The following UNC13B variants were observed in gnomAD, a reference collection of about 807,000 sequenced individuals.
UNC13B encodes protein unc-13 homolog B.
Under a neutral mutation model 211.0 loss-of-function variants are expected in UNC13B, and 144 were observed. The observed-to-expected ratio is 0.68, with a 90% confidence interval of 0.60 to 0.78. The LOEUF is 0.78. Ranked by LOEUF, UNC13B falls within the 30% of genes least tolerant of loss-of-function variation. The pLI is 0.00. For synonymous variants in UNC13B, 709 were observed against 725.8 expected (o/e 0.98, Z 0.37); for missense variants, 1,777 against 2,002.0 (o/e 0.89, Z 2.14).
chr9:35,302,665 A>G lies in UNC13B; in HGVS notation c.3261A>G (p.Lys1087=), dbSNP rs1829743837. Reference sequence around the variant, plus strand: ...TAGCCATCCCTGGAGTTGTGCCCAAAGAACATATAACTTCAGATCCTTTAG... The same window carrying G: ...TAGCCATCCCTGGAGTTGTGCCCAAGGAACATATAACTTCAGATCCTTTAG... ...DGLAIPGVVP[K]EHITSDPLGE... The change falls in exon 9 of 40, where the codon AAA becomes AAG. Residue 1087 remains lysine (K), a synonymous_variant. Transcript: ENST00000635942. The G allele has an allele frequency of 2.5e-6, 1 of 398,586 alleles. No homozygotes were observed. Among genetic ancestry groups the G allele is most frequent in the Admixed American group, 4.4e-5 (1 of 22,700 alleles). The allele number at this position is 398,586 out of a possible 1,614,324, so 24.7% of individuals were successfully genotyped here.
At chr9:35,281,438 T>G (rs1217373325) in intron 7 of UNC13B, among the ~76,000 whole-genome samples, 1 of 144,910 alleles carries the variant, frequency 6.9e-6, no homozygotes, top group Non-Finnish European at 1.5e-5. Flanking sequence ...GAGAGAGGAA[T>G]GAAAGTCCCT....
chr9:35,298,533 C>T (rs1370969738), intron 8 of UNC13B, among the ~76,000 whole-genome samples: 1 of 152,084 alleles, frequency 6.6e-6, no homozygotes, highest in African/African-American at 2.4e-5. Context: ...TTGCTCAGGC[C>T]GGTCTTGAAT....
Position 35,402,367 on chromosome 9 carries a change from C to T in UNC13B, c.12485-800C>T, listed in dbSNP as rs368543096. On this transcript the variant is annotated intron_variant, in intron 37 of 39. Coordinates refer to ENST00000635942, the MANE Select transcript of UNC13B (RefSeq NM_001371189.2). ...AGCGATCTCTGCCCACTGCAAGCTC[C>T]GCCTCCCAGGTTCACACCATTGTTC... Among the ~76,000 whole-genome samples, 134 of 151,730 alleles carry T rather than the reference C, an allele frequency of 8.8e-4. 1 individual carries two copies. The highest frequency in any genetic ancestry group is 3.1e-3 in the African/African-American group (129 of 41,364).
chr9:35,378,124 T>C (rs1834563515), intron 16 of UNC13B, among the ~76,000 whole-genome samples, 171 bp from the exon 17 acceptor site: 1 of 152,078 alleles, frequency 6.6e-6, no homozygotes, highest in Non-Finnish European at 1.5e-5. Flanking sequence ...GATGGGATGC[T>C]TGGGCTTTAA....
At chr9:35,267,519 A>G (rs1255047422) in intron 7 of UNC13B, among the ~76,000 whole-genome samples, 2 of 152,238 alleles carry the variant, frequency 1.3e-5, no homozygotes, top group Admixed American at 1.3e-4. Flanking sequence ...ATGCTGTGTC[A>G]GTATTCAGAG....
chr9:35,327,160 T>C (rs1831064559), intron 11 of UNC13B, among the ~76,000 whole-genome samples: 1 of 152,230 alleles, frequency 6.6e-6, no homozygotes, highest in African/African-American at 2.4e-5. Flanking sequence ...GGAGCTGTTT[T>C]TTCTAGGGTG....
intron 11 of UNC13B, among the ~76,000 whole-genome samples, chr9:35,325,702 A>G (rs891633550): frequency 1.3e-5 from 2 of 152,168 alleles, no homozygotes; most frequent in African/African-American, 4.8e-5. Context: ...TCATCACCTC[A>G]AAAGGAAATC....
chr9:35,273,257 A>G (rs1827993244), intron 7 of UNC13B, among the ~76,000 whole-genome samples: 1 of 152,218 alleles, frequency 6.6e-6, no homozygotes. Flanking sequence ...GTTGTGACAA[A>G]TTATTTGACC....
intron 1 of UNC13B, among the ~76,000 whole-genome samples, chr9:35,220,736 G>A (rs1218420184): frequency 1.3e-5 from 2 of 152,190 alleles, no homozygotes; most frequent in Non-Finnish European, 2.9e-5. Flanking sequence ...AAATGTGGGA[G>A]TGCAGATTTA....
intron 7 of UNC13B, among the ~76,000 whole-genome samples, chr9:35,266,604 A>T (rs926024609): frequency 6.6e-6 from 1 of 152,234 alleles, no homozygotes; most frequent in African/African-American, 2.4e-5. Context: ...TTATTTGGAT[A>T]TACTCTTAAA....
chr9:35,180,960 A>G (rs1482027302), intron 1 of UNC13B, among the ~76,000 whole-genome samples: 8 of 150,506 alleles, frequency 5.3e-5, no homozygotes, highest in Non-Finnish European at 1.2e-4. Context: ...GATCTGTTTC[A>G]GCAGGTACCT....
chr9:35,364,905 G>C (rs1297892075), intron 11 of UNC13B, among the ~76,000 whole-genome samples: 1 of 152,214 alleles, frequency 6.6e-6, no homozygotes, highest in Admixed American at 6.5e-5. Context: ...ACTCAGCTCA[G>C]TGTGTGTCCA....
chr9:35,256,499 G>GA (rs1826885965), intron 6 of UNC13B, among the ~76,000 whole-genome samples: 1 of 152,068 alleles, frequency 6.6e-6, no homozygotes, highest in African/African-American at 2.4e-5. Context: ...TCAGATTAAG[G>GA]AAATTCTATT....
rs879296820 is a variant in UNC13B, at chr9:35,346,927, A to AT, written c.9415-20006dup. On this transcript the variant is annotated intron_variant, in intron 11 of 39. Transcript: ENST00000635942. The stretch of plus-strand genomic sequence containing the variant: ...GAATTAAATGCTTACTTTCTTTTTC[A>AT]TTTTTTTTTTTTTTAAAGACAGGGT... 5.3e-3 allele frequency among the ~76,000 whole-genome samples: 735 copies of AT among 139,068 alleles called. 1 individual carries two copies. The highest frequency in any genetic ancestry group is 0.015 in the African/African-American group (586 of 37,866). 91.2% of individuals were successfully genotyped at this position (139,068 alleles called of 152,430 possible). A position where few individuals can be genotyped will look rare whatever the true frequency, so the allele number is the denominator to read the frequency against.
At chr9:35,178,126 T>A (rs1312264716) in intron 1 of UNC13B, among the ~76,000 whole-genome samples, 1 of 152,194 alleles carries the variant, frequency 6.6e-6, no homozygotes, top group Non-Finnish European at 1.5e-5. Flanking sequence ...GGTAAACATA[T>A]ACTCAGCATC....
chr9:35,205,081 G>A (rs1036912392), intron 1 of UNC13B, among the ~76,000 whole-genome samples: 1 of 152,100 alleles, frequency 6.6e-6, no homozygotes, highest in African/African-American at 2.4e-5. Context: ...TAGTTCTCAT[G>A]AGATCTGGTT....
chr9:35,312,968 C>T (rs574116843), intron 10 of UNC13B, among the ~76,000 whole-genome samples: 2 of 152,212 alleles, frequency 1.3e-5, no homozygotes, highest in Admixed American at 1.3e-4. Context: ...ATGGGTAAGC[C>T]TTCTAAAATA....
intron 1 of UNC13B, among the ~76,000 whole-genome samples, chr9:35,211,349 G>A (rs12235383): frequency 0.049 from 7,381 of 151,076 alleles, 402 homozygotes; most frequent in East Asian, 0.3. Context: ...ACTTTTTATC[G>A]TGTGTGTGTG....
rs1036413933 is a variant in UNC13B at position 35,200,653 on chromosome 9, T to C, written c.23-27362T>C. 6.6e-5 allele frequency among the ~76,000 whole-genome samples: 10 copies of C among 152,194 alleles called. No homozygotes were observed. The South Asian group carries it at 8.3e-4, about 13-fold the overall frequency. On this transcript the variant is annotated intron_variant, in intron 1 of 39. Transcript: ENST00000635942. ...TTACTGTTTGTCTGTTATTGGTGTA[T>C]AGGAATGCTTGTGATTTTTGCACAT...
Sources: gnomAD v4.1 joint callset for allele counts (sites outside exome capture counted in the v4.1 genomes callset) on GRCh38, gnomAD v4.1.1 for gene constraint, MANE v1.5 for transcripts, NCBI Gene and HGNC (gene_info 2026-07-23, HGNC 2026-07-21) for gene names.